Variants in XKR6 observed in about 807,000 individuals in gnomAD.
The protein encoded by XKR6 is XK-related protein 6.
Under a neutral mutation model 56.7 loss-of-function variants are expected in XKR6, and 22 were observed. That is an observed-to-expected ratio of 0.39 (90% CI 0.28 to 0.55). The LOEUF (loss-of-function observed/expected upper bound fraction) is 0.55. Ranked by LOEUF, XKR6 falls within the 20% of genes least tolerant of loss-of-function variation. The pLI is 0.66. For synonymous variants in XKR6, 524 were observed against 387.8 expected (o/e 1.35, Z -4.13); for missense variants, 852 against 889.0 (o/e 0.96, Z 0.53).
chr8:11,029,845 C>A (rs1230375349), intron 1 of XKR6, among the ~76,000 whole-genome samples: 2 of 152,122 alleles, frequency 1.3e-5, no homozygotes, highest in East Asian at 3.9e-4. Flanking sequence ...CAAAATCTCT[C>A]TTGGGTTCTT....
chr8:11,188,968 CACTAATATCTTACCAGTAA>C, intron 1 of XKR6, among the ~76,000 whole-genome samples: 1 of 152,278 alleles, frequency 6.6e-6, no homozygotes, highest in Admixed American at 6.5e-5. Context: ...TGATGTGCCA[CACTAATATCTTACCAGTAA>C]ACACCATCCA....
At chr8:11,187,064 GCT>G (rs978991672) in intron 1 of XKR6, among the ~76,000 whole-genome samples, 1 of 152,144 alleles carries the variant, frequency 6.6e-6, no homozygotes, top group African/African-American at 2.4e-5. Flanking sequence ...GGCTAGTGTT[GCT>G]CTTTTTTTGT....
intron 1 of XKR6, among the ~76,000 whole-genome samples, chr8:10,992,066 C>T (rs975916116): frequency 2.6e-5 from 4 of 152,122 alleles, no homozygotes; most frequent in South Asian, 2.1e-4. Context: ...TGAGTCCTGC[C>T]GCCAGGCCTC....
intron 1 of XKR6, among the ~76,000 whole-genome samples, chr8:11,050,844 G>A (rs4841483): frequency 0.4 from 61,321 of 151,596 alleles, 13,505 homozygotes; most frequent in East Asian, 0.82. Flanking sequence ...CCATTCCCCA[G>A]TGCTGCTCCC....
At chr8:11,016,676 C>T (rs1211145755) in intron 1 of XKR6, among the ~76,000 whole-genome samples, 6 of 152,190 alleles carry the variant, frequency 3.9e-5, no homozygotes, top group African/African-American at 2.4e-5. Flanking sequence ...CGCCCCAGGC[C>T]CCCGGCCCCG....
At chr8:11,069,382 C>A (rs10113808) in intron 1 of XKR6, among the ~76,000 whole-genome samples, 85,185 of 151,888 alleles carry the variant, frequency 0.56, 26,975 homozygotes, top group African/African-American at 0.84. Flanking sequence ...CCCGGTCTCC[C>A]CTGACTCCAC....
At chr8:10,980,567 A>C (rs1797708776) in intron 1 of XKR6, among the ~76,000 whole-genome samples, 1 of 152,152 alleles carries the variant, frequency 6.6e-6, no homozygotes, top group Non-Finnish European at 1.5e-5. Context: ...GATGGATTTT[A>C]ATACCTATCT....
At chr8:11,148,313 A>C (rs546479056) in intron 1 of XKR6, among the ~76,000 whole-genome samples, 1 of 152,362 alleles carries the variant, frequency 6.6e-6, no homozygotes, top group South Asian at 2.1e-4. Context: ...AAATTTGGAC[A>C]CAGAAAGTGA....
At chr8:10,979,125 A>G (rs1430668852) in intron 1 of XKR6, among the ~76,000 whole-genome samples, 1 of 151,676 alleles carries the variant, frequency 6.6e-6, no homozygotes, top group African/African-American at 2.4e-5. Flanking sequence ...TCCCCCAATG[A>G]GAAAGAGCTC....
intron 1 of XKR6, among the ~76,000 whole-genome samples, chr8:10,928,840 C>A (rs960366997): frequency 1.3e-5 from 2 of 152,238 alleles, no homozygotes; most frequent in African/African-American, 4.8e-5. Flanking sequence ...AGGAAGGTAT[C>A]TCTTGGGAGA....
intron 2 of XKR6, among the ~76,000 whole-genome samples, chr8:10,908,656 C>T (rs978768014): frequency 6.6e-6 from 1 of 152,138 alleles, no homozygotes; most frequent in African/African-American, 2.4e-5. Context: ...CAGGCCCTCC[C>T]CGACCACCAC....
intron 2 of XKR6, among the ~76,000 whole-genome samples, chr8:10,901,005 C>A (rs1800021399): frequency 6.6e-6 from 1 of 151,256 alleles, no homozygotes; most frequent in Admixed American, 6.6e-5. Context: ...CTCCAGTGAG[C>A]CCAGCTAAGA....
chr8:11,027,651 G>C (rs1299912201), intron 1 of XKR6, among the ~76,000 whole-genome samples: 1 of 152,210 alleles, frequency 6.6e-6, no homozygotes, highest in Non-Finnish European at 1.5e-5. Context: ...AGTGGCTCAA[G>C]GCCTTGCAGC....
chr8:11,168,943 T>G (rs1802226074), intron 1 of XKR6, among the ~76,000 whole-genome samples: 1 of 152,206 alleles, frequency 6.6e-6, no homozygotes, highest in African/African-American at 2.4e-5. Flanking sequence ...TGTGGGCACT[T>G]TGCTTTCCTT....
chr8:11,089,063 C>A (rs994294738), intron 1 of XKR6, among the ~76,000 whole-genome samples: 1 of 152,182 alleles, frequency 6.6e-6, no homozygotes, highest in South Asian at 2.1e-4. Flanking sequence ...CAAAGCCACA[C>A]AACCCAAAGC....
chr8:10,924,944 T>A, intron 1 of XKR6, 114 bp from the exon 2 acceptor site: 3 of 1,159,804 alleles, frequency 2.6e-6, no homozygotes, highest in Non-Finnish European at 3.6e-6. Context: ...CTCCCTATGC[T>A]CTGAAGTTCC....
At chr8:11,117,726 C>T (rs1008455308) in intron 1 of XKR6, among the ~76,000 whole-genome samples, 4 of 151,628 alleles carry the variant, frequency 2.6e-5, no homozygotes, top group African/African-American at 4.8e-5. Context: ...TAAAAAGTGG[C>T]CAAAAAACCA....
chr8:10,922,795 T>A (rs1177546283), intron 2 of XKR6, among the ~76,000 whole-genome samples: 1 of 152,120 alleles, frequency 6.6e-6, no homozygotes, highest in African/African-American at 2.4e-5. Context: ...GGAGAGAGTA[T>A]GTGTGCATGT....
At chr8:11,015,903 A>C (rs1406259350) in intron 1 of XKR6, among the ~76,000 whole-genome samples, 2 of 149,856 alleles carry the variant, frequency 1.3e-5, no homozygotes, top group East Asian at 3.9e-4. Flanking sequence ...CGGCGGTGCC[A>C]GCTCAGACCC....
Sources: gnomAD v4.1 joint callset for allele counts (sites outside exome capture counted in the v4.1 genomes callset) on GRCh38, gnomAD v4.1.1 for gene constraint, MANE v1.5 for transcripts, NCBI Gene and HGNC (gene_info 2026-07-23, HGNC 2026-07-21) for gene names.